ADGRL3: variants seen among roughly 807,000 people sequenced by gnomAD.
ADGRL3 encodes adhesion G protein-coupled receptor L3.
A neutral mutation model predicts 153.5 loss-of-function variants in ADGRL3; 62 were observed. That is an observed-to-expected ratio of 0.40 (90% CI 0.33 to 0.50). The LOEUF is 0.50. Ranked by LOEUF, ADGRL3 falls within the 20% of genes least tolerant of loss-of-function variation. The probability of loss-of-function intolerance (pLI) is 0.47; values close to 1 mark genes in which losing one functional copy is unlikely to be tolerated. For synonymous variants in ADGRL3, 710 were observed against 672.5 expected, an observed-to-expected ratio of 1.06 and a Z score of -0.86; for missense variants, 1,641 against 1,859.4, an observed-to-expected ratio of 0.88 and a Z score of 2.16.
chr4:61,384,544 A>T (rs1291234981), intron 2 of ADGRL3, among the ~76,000 whole-genome samples: 2 of 151,784 alleles, frequency 1.3e-5, no homozygotes, highest in Non-Finnish European at 2.9e-5. Context: ...AAATTCCTCA[A>T]ATCCACTGGT....
chr4:61,579,511 C>A, intron 4 of ADGRL3: 1 of 463,318 alleles, frequency 2.2e-6, no homozygotes, highest in Non-Finnish European at 4.2e-6. Flanking sequence ...CATTTATTCA[C>A]ACACTTGCTG....
At chr4:61,458,450 G>A (rs2097776843) in intron 2 of ADGRL3, among the ~76,000 whole-genome samples, 1 of 150,990 alleles carries the variant, frequency 6.6e-6, no homozygotes, top group African/African-American at 2.4e-5. Flanking sequence ...CATCTCTAGT[G>A]TTGTACTAAA....
In ADGRL3 at chr4:62,075,523, A is replaced by G. The variant is rs1164212719; in HGVS notation, c.*4615A>G. 4.6e-5 allele frequency: 7 copies of G among 152,198 alleles called. No individual in the cohort carries two copies. Among genetic ancestry groups the G allele is most frequent in the African/African-American group, 1.7e-4 (7 of 41,468 alleles). 9.4% of individuals were successfully genotyped at this position (152,198 alleles called of 1,614,324 possible). ...TCTCTAAGAAAATTTTTGAGATAAC[A>G]ATATATATGAAGTTCCCAGTACATT... On this transcript the variant is annotated 3_prime_UTR_variant, in exon 27 of 27. Coordinates refer to ENST00000683033, the MANE Select transcript of ADGRL3 (RefSeq NM_001387552.1).
At chr4:61,563,995 G>A (rs6837132) in intron 4 of ADGRL3, among the ~76,000 whole-genome samples, 4,815 of 152,082 alleles carry the variant, frequency 0.032, 226 homozygotes, top group African/African-American at 0.11. Flanking sequence ...GTGACAGAGC[G>A]AGACTGTCTC....
intron 1 of ADGRL3, among the ~76,000 whole-genome samples, chr4:61,357,835 GA>G (rs923030128): frequency 3.1e-4 from 47 of 151,832 alleles, no homozygotes; most frequent in African/African-American, 9.4e-4. Context: ...ACACTTCTAT[GA>G]AAAAAAATCT....
At chr4:61,507,899 A>ATAGT (rs1194092671) in intron 3 of ADGRL3, among the ~76,000 whole-genome samples, 5 of 152,200 alleles carry the variant, frequency 3.3e-5, no homozygotes, top group African/African-American at 1.2e-4. Context: ...CCTCATTACT[A>ATAGT]TAGTTGTAAA....
intron 4 of ADGRL3, among the ~76,000 whole-genome samples, chr4:61,532,059 A>C (rs2098621150): frequency 6.6e-6 from 1 of 152,210 alleles, no homozygotes; most frequent in African/African-American, 2.4e-5. Flanking sequence ...ATAATCAACA[A>C]GCTAAAATGA....
At chr4:62,044,690 C>G in intron 25 of ADGRL3, 141 bp downstream of exon 25, 2 of 529,060 alleles carry the variant, frequency 3.8e-6, no homozygotes. Flanking sequence ...TTGAGTGTAG[C>G]AATGTGTTCC....
chr4:61,446,272 A>C (rs2097581155), intron 2 of ADGRL3, among the ~76,000 whole-genome samples: 1 of 152,178 alleles, frequency 6.6e-6, no homozygotes, highest in African/African-American at 2.4e-5. Context: ...AGGAGCAATA[A>C]TGTATTCTCC....
At chr4:62,003,895 T>C (rs1485601355) in intron 21 of ADGRL3, among the ~76,000 whole-genome samples, 2 of 152,128 alleles carry the variant, frequency 1.3e-5, no homozygotes, top group Non-Finnish European at 2.9e-5. Context: ...AAGAATAGTA[T>C]CCTCAGTGAG....
At chr4:61,492,014 A>T (rs1272668295) in intron 2 of ADGRL3, among the ~76,000 whole-genome samples, 2 of 103,396 alleles carry the variant, frequency 1.9e-5, no homozygotes, top group African/African-American at 3.3e-5. Context: ...CTATGGAACA[A>T]TGAAAAAAAC....
chr4:61,795,778 G>T (rs112439090), intron 8 of ADGRL3, among the ~76,000 whole-genome samples: 1 of 152,104 alleles, frequency 6.6e-6, no homozygotes, highest in African/African-American at 2.4e-5. Flanking sequence ...AGCAGATTAT[G>T]CATCAACCAT....
In ADGRL3 at chr4:61,587,398, T is replaced by G; in HGVS notation, c.431T>G (p.Ile144Ser). 6.2e-7 allele frequency: 1 copy of G among 1,612,512 alleles called. No individual in the cohort carries two copies. Among genetic ancestry groups the G allele is most frequent in the Non-Finnish European group, 8.5e-7 (1 of 1,179,060 alleles). Residue 144 changes from isoleucine to serine, a missense_variant, in exon 5 of 27, where the codon ATC becomes AGC. By Grantham distance (142) the Ile-to-Ser change is moderately radical. Transcript: ENST00000683033. ...CDSDPAQMEN[I>S]RCYLPDAYKI... ...TCTGACCCTGCTCAGATGGAGAATATCCGATGTTATCTGCCAGATGCCTAT... is the reference window on the plus strand; with the variant it reads ...TCTGACCCTGCTCAGATGGAGAATAGCCGATGTTATCTGCCAGATGCCTAT...
intron 6 of ADGRL3, among the ~76,000 whole-genome samples, chr4:61,720,086 A>C (rs1397236912): frequency 8.7e-6 from 1 of 115,384 alleles, no homozygotes; most frequent in Middle Eastern, 4.2e-3. Flanking sequence ...ACTCAGAGTG[A>C]TACTTTTTTT....
chr4:61,560,784 A>G (rs1045663758), intron 4 of ADGRL3, among the ~76,000 whole-genome samples: 1 of 152,120 alleles, frequency 6.6e-6, no homozygotes, highest in African/African-American at 2.4e-5. Flanking sequence ...TGCTCTATAT[A>G]GATTTCCCTA....
chr4:61,715,715 G>A (rs1171532195), intron 6 of ADGRL3, among the ~76,000 whole-genome samples: 2 of 151,984 alleles, frequency 1.3e-5, no homozygotes, highest in African/African-American at 4.8e-5. Flanking sequence ...GATCTGGTTT[G>A]ATAAACATTT....
intron 6 of ADGRL3, among the ~76,000 whole-genome samples, chr4:61,711,458 T>TTATATATATATATATATATATATATATA (rs1167827672): frequency 5.8e-5 from 2 of 34,660 alleles, no homozygotes; most frequent in African/African-American, 1.0e-4. Flanking sequence ...ATATGCTTCA[T>TTATATATATATATATATATATATATATA]TATATATATA....
intron 9 of ADGRL3, among the ~76,000 whole-genome samples, chr4:61,837,241 G>T (rs1412742351): frequency 6.6e-6 from 1 of 152,034 alleles, no homozygotes; most frequent in Admixed American, 6.6e-5. Flanking sequence ...ACCCACCTAG[G>T]TCTTATTCTA....
chr4:61,315,645 T>C (rs1425392802), intron 1 of ADGRL3, among the ~76,000 whole-genome samples: 1 of 152,122 alleles, frequency 6.6e-6, no homozygotes, highest in Non-Finnish European at 1.5e-5. Context: ...TCAATTTACC[T>C]CCAACTCCTG....
Sources: gnomAD v4.1 joint callset for allele counts (sites outside exome capture counted in the v4.1 genomes callset) on GRCh38, gnomAD v4.1.1 for gene constraint, MANE v1.5 for transcripts, NCBI Gene and HGNC (gene_info 2026-07-23, HGNC 2026-07-21) for gene names.